Variants in SLC35F3 observed in about 807,000 individuals in gnomAD.
The protein encoded by SLC35F3 is putative thiamine transporter SLC35F3.
In SLC35F3, 25 loss-of-function variants were observed where a neutral mutation model predicts 49.9. The ratio of observed to expected loss-of-function variants is 0.50; its 90% CI spans 0.37 to 0.70. SLC35F3 has a LOEUF of 0.70. Ranked by LOEUF, SLC35F3 falls within the 30% of genes least tolerant of loss-of-function variation. The probability of loss-of-function intolerance (pLI) is 0.00; values close to 1 mark genes in which losing one functional copy is unlikely to be tolerated. For synonymous variants in SLC35F3, 275 were observed against 265.4 expected (o/e 1.04, Z -0.35); for missense variants, 525 against 639.8 (o/e 0.82, Z 1.94).
At chr1:234,133,799 G>C (rs888483061) in intron 2 of SLC35F3, among the ~76,000 whole-genome samples, 6 of 152,182 alleles carry the variant, frequency 3.9e-5, no homozygotes, top group Admixed American at 3.9e-4. Flanking sequence ...AATTATCTTT[G>C]CTCTGACCTC....
rs1309292536 is a variant in SLC35F3 at position 233,945,575 on chromosome 1, G to A, written c.283+39817G>A. Among the ~76,000 whole-genome samples, 4 of 152,288 alleles carry A rather than the reference G, an allele frequency of 2.6e-5. No individual in the cohort carries two copies. In the East Asian group the frequency reaches 7.7e-4, roughly 29 times the overall value. Reference sequence around the variant, plus strand: ...AATTGTTCAGGTCACATATCTCAGGGATGTTGATACAGTTTGGCTGTGTCC... The same window carrying A: ...AATTGTTCAGGTCACATATCTCAGGAATGTTGATACAGTTTGGCTGTGTCC... On this transcript the variant is annotated intron_variant, in intron 2 of 7. Coordinates refer to ENST00000366618, the MANE Select transcript of SLC35F3 (RefSeq NM_173508.4).
chr1:233,915,364 T>C (rs1437881585), intron 2 of SLC35F3, among the ~76,000 whole-genome samples: 1 of 152,198 alleles, frequency 6.6e-6, no homozygotes, highest in African/African-American at 2.4e-5. Flanking sequence ...AGTCAGCTCA[T>C]TTTTGATGAA....
intron 2 of SLC35F3, among the ~76,000 whole-genome samples, chr1:234,109,865 G>C (rs4484982): frequency 0.46 from 69,579 of 152,028 alleles, 16,425 homozygotes; most frequent in East Asian, 0.82. Context: ...TCTTAGAGAA[G>C]GAGGCATTTG....
chr1:234,275,760 AAAAAT>A (rs1668198145), intron 3 of SLC35F3, among the ~76,000 whole-genome samples: 1 of 138,370 alleles, frequency 7.2e-6, no homozygotes, highest in Admixed American at 6.9e-5. Flanking sequence ...TTGAAAAAAA[AAAAAT>A]ATATATATAT....
At chr1:233,912,256 A>G (rs922349052) in intron 2 of SLC35F3, among the ~76,000 whole-genome samples, 5 of 152,100 alleles carry the variant, frequency 3.3e-5, no homozygotes, top group Non-Finnish European at 5.9e-5. Flanking sequence ...AAGGCGGGTG[A>G]ATCACGAGGT....
At chr1:233,927,053 C>G (rs981439351) in intron 2 of SLC35F3, among the ~76,000 whole-genome samples, 1 of 152,160 alleles carries the variant, frequency 6.6e-6, no homozygotes, top group African/African-American at 2.4e-5. Flanking sequence ...GTAACATGTA[C>G]TTAAGGTTCC....
At chr1:234,315,259 G>A (rs1387130605) in intron 4 of SLC35F3, among the ~76,000 whole-genome samples, 1 of 152,180 alleles carries the variant, frequency 6.6e-6, no homozygotes, top group Non-Finnish European at 1.5e-5. Context: ...TAGCGTATAA[G>A]GTATAACCTA....
At chr1:234,049,118 G>C (rs530502718) in intron 2 of SLC35F3, among the ~76,000 whole-genome samples, 72 of 152,242 alleles carry the variant, frequency 4.7e-4, no homozygotes, top group African/African-American at 1.7e-3. Context: ...AATTAGTTAA[G>C]ACTTTGGAGG....
rs1372584563 is a variant in SLC35F3 at position 234,231,664 on chromosome 1, C to T, written c.531C>T (p.Asn177=). 1.2e-6 allele frequency: 2 copies of T among 1,614,074 alleles called. No homozygotes were observed. Among genetic ancestry groups the T allele is most frequent in the African/African-American group, 2.7e-5 (2 of 74,930 alleles). The change falls in exon 3 of 8, where the codon AAC becomes AAT. Residue 177 remains asparagine, a synonymous_variant. Coordinates refer to ENST00000366618, the MANE Select transcript of SLC35F3 (RefSeq NM_173508.4). The surrounding 1 kb of genome is among the most constrained non-coding windows in gnomAD (Gnocchi z 5.4). ...FTLTWFATNW[N]FLFFPLYYVG... ...TCACGTGGTTTGCCACCAACTGGAA[C>T]TTTTTATTCTTCCCGTTGTACTACG...
chr1:234,053,737 C>T (rs747527836), intron 2 of SLC35F3, among the ~76,000 whole-genome samples: 12 of 152,144 alleles, frequency 7.9e-5, no homozygotes, highest in Non-Finnish European at 1.6e-4. Flanking sequence ...TTCCTAGCAT[C>T]GATGGTCTTT....
chr1:234,276,982 T>C (rs1043572991), intron 3 of SLC35F3, among the ~76,000 whole-genome samples: 4 of 152,090 alleles, frequency 2.6e-5, no homozygotes, highest in Non-Finnish European at 5.9e-5. Context: ...AGGGGGAGTT[T>C]GGGGGTGTTC....
intron 2 of SLC35F3, among the ~76,000 whole-genome samples, chr1:233,967,145 A>G (rs865862181): frequency 6.6e-6 from 1 of 152,198 alleles, no homozygotes; most frequent in Non-Finnish European, 1.5e-5. Context: ...TACTTATCCT[A>G]AAACCAAAAT....
chr1:234,267,983 G>A (rs1178503661), intron 3 of SLC35F3, among the ~76,000 whole-genome samples: 2 of 145,128 alleles, frequency 1.4e-5, no homozygotes, highest in East Asian at 5.0e-4. Flanking sequence ...GGGCAGCCAG[G>A]CAGAGGGGCT....
intron 3 of SLC35F3, among the ~76,000 whole-genome samples, chr1:234,238,303 C>T (rs1341707852): frequency 6.6e-6 from 1 of 152,168 alleles, no homozygotes; most frequent in African/African-American, 2.4e-5. Context: ...ATGTCTGGTA[C>T]AGCCACAGGA....
At chr1:234,237,850 T>C (rs778881864) in intron 3 of SLC35F3, among the ~76,000 whole-genome samples, 5 of 152,212 alleles carry the variant, frequency 3.3e-5, no homozygotes, top group Non-Finnish European at 4.4e-5. Context: ...TCCTGTCTGA[T>C]TTCTTCGTTA....
chr1:234,229,670 T>C (rs1165430081), intron 2 of SLC35F3, among the ~76,000 whole-genome samples: 1 of 152,216 alleles, frequency 6.6e-6, no homozygotes, highest in Non-Finnish European at 1.5e-5. Context: ...TCTACAATCA[T>C]CTTTTCAGGA....
chr1:234,226,762 C>G (rs1558266246), intron 2 of SLC35F3, among the ~76,000 whole-genome samples: 1 of 152,012 alleles, frequency 6.6e-6, no homozygotes, highest in Non-Finnish European at 1.5e-5. Context: ...AATCCTTTCT[C>G]TCTTTGGTCA....
intron 2 of SLC35F3, among the ~76,000 whole-genome samples, chr1:234,012,949 A>G (rs1272429979): frequency 6.6e-6 from 1 of 152,184 alleles, no homozygotes; most frequent in East Asian, 1.9e-4. Context: ...AATTAATAGG[A>G]CAATATTGGC....
At chr1:234,300,454 G>A (rs1352362912) in intron 3 of SLC35F3, among the ~76,000 whole-genome samples, 2 of 152,222 alleles carry the variant, frequency 1.3e-5, no homozygotes, top group African/African-American at 2.4e-5. Context: ...AGGAGTAAGT[G>A]CATGCATTCT....
Sources: allele counts gnomAD v4.1 joint callset (sites outside exome capture counted in the v4.1 genomes callset), GRCh38; gene constraint gnomAD v4.1.1; non-coding constraint Gnocchi (gnomAD v3.1); transcripts MANE v1.5; gene names NCBI Gene and HGNC (gene_info 2026-07-23, HGNC 2026-07-21).